ADGRB3: variants seen among roughly 807,000 people sequenced by gnomAD.
The protein encoded by ADGRB3 is adhesion G protein-coupled receptor B3.
In ADGRB3, 37 loss-of-function variants were observed where a neutral mutation model predicts 193.4. The observed-to-expected ratio is 0.19, with a 90% CI of 0.15 to 0.25. The LOEUF is 0.25. Among genes scored for constraint, ADGRB3 ranks in the 10% least tolerant of loss-of-function variants. The pLI is 1.00. For missense variants in ADGRB3, 1,637 were observed against 1,852.9 expected (o/e 0.88, Z 2.14); for synonymous variants, 690 against 644.2 (o/e 1.07, Z -1.08).
At chr6:68,740,041 C>T (rs182291461) in intron 3 of ADGRB3, among the ~76,000 whole-genome samples, 46 of 152,188 alleles carry the variant, frequency 3.0e-4, no homozygotes, top group African/African-American at 1.1e-3. Context: ...TCAGAAGTGG[C>T]AGGTCTATAC....
At chr6:69,320,329 T>C (rs925249716) in intron 20 of ADGRB3, among the ~76,000 whole-genome samples, 9 of 151,562 alleles carry the variant, frequency 5.9e-5, no homozygotes, top group Non-Finnish European at 8.9e-5. Context: ...CTTATTATTT[T>C]CTTTTTTAAA....
chr6:68,773,120 A>G (rs1395068418), intron 3 of ADGRB3, among the ~76,000 whole-genome samples: 1 of 151,662 alleles, frequency 6.6e-6, no homozygotes, highest in East Asian at 1.9e-4. Context: ...GTCTTAAACA[A>G]ACAAACAAAC....
chr6:68,876,008 G>A (rs1488185856), intron 3 of ADGRB3, among the ~76,000 whole-genome samples: 1 of 151,594 alleles, frequency 6.6e-6, no homozygotes, highest in Non-Finnish European at 1.5e-5. Context: ...GGAGTTACTT[G>A]GAATATAAAT....
intron 3 of ADGRB3, among the ~76,000 whole-genome samples, chr6:68,869,869 C>A (rs759066608): frequency 6.6e-6 from 1 of 152,174 alleles, no homozygotes; most frequent in Non-Finnish European, 1.5e-5. Flanking sequence ...ATCTCCACCT[C>A]CCAGGTTCAA....
intron 20 of ADGRB3, among the ~76,000 whole-genome samples, chr6:69,275,440 G>A (rs1203524927): frequency 1.3e-5 from 2 of 152,122 alleles, no homozygotes; most frequent in Admixed American, 1.3e-4. Context: ...TTGGCCTAGA[G>A]ATTTTAACTA....
At chr6:68,644,534 T>G (rs539844456) in intron 3 of ADGRB3, among the ~76,000 whole-genome samples, 1 of 152,276 alleles carries the variant, frequency 6.6e-6, no homozygotes, top group East Asian at 1.9e-4. Context: ...TCCTCCACAC[T>G]TTGAAGATAA....
intron 3 of ADGRB3, among the ~76,000 whole-genome samples, chr6:68,825,539 A>T (rs1767826796): frequency 6.6e-6 from 1 of 152,210 alleles, no homozygotes; most frequent in Non-Finnish European, 1.5e-5. Flanking sequence ...TTAGATGAAC[A>T]CTGATATGGT....
At chr6:68,950,165 C>G (rs941719350) in intron 6 of ADGRB3, among the ~76,000 whole-genome samples, 1 of 152,076 alleles carries the variant, frequency 6.6e-6, no homozygotes, top group Admixed American at 6.6e-5. Flanking sequence ...AGCATCCTCC[C>G]ACCTCAGCCT....
At chr6:69,241,295 T>G (rs914210372) in intron 20 of ADGRB3, among the ~76,000 whole-genome samples, 1 of 151,954 alleles carries the variant, frequency 6.6e-6, no homozygotes, top group Admixed American at 6.6e-5. Flanking sequence ...GAAATTAATT[T>G]TAATATATAC....
chr6:69,200,633 G>C (rs1311832950), intron 17 of ADGRB3, among the ~76,000 whole-genome samples: 1 of 152,084 alleles, frequency 6.6e-6, no homozygotes, highest in Non-Finnish European at 1.5e-5. Context: ...AGCATCTGAT[G>C]GAAGCAGCTG....
intron 3 of ADGRB3, among the ~76,000 whole-genome samples, chr6:68,649,053 T>G (rs1325424846): frequency 6.6e-6 from 1 of 152,122 alleles, no homozygotes; most frequent in African/African-American, 2.4e-5. Flanking sequence ...CCCATTGAAG[T>G]GTCAATTATG....
intron 26 of ADGRB3, among the ~76,000 whole-genome samples, chr6:69,349,013 T>C (rs1378042174): frequency 6.6e-6 from 1 of 152,202 alleles, no homozygotes; most frequent in African/African-American, 2.4e-5. Flanking sequence ...AGTGACCTGA[T>C]TCCATTCCCA....
intron 20 of ADGRB3, among the ~76,000 whole-genome samples, chr6:69,298,879 T>C (rs79713581): frequency 0.01 from 1,580 of 152,098 alleles, 22 homozygotes; most frequent in African/African-American, 0.036. Context: ...CTGTTTTCCT[T>C]TCTTTTGAAT....
intron 17 of ADGRB3, among the ~76,000 whole-genome samples, chr6:69,187,798 G>A (rs533843549): frequency 6.6e-6 from 1 of 152,260 alleles, no homozygotes; most frequent in South Asian, 2.1e-4. Flanking sequence ...GAGATTGGAG[G>A]CACAGTGGAT....
chr6:69,348,151 G>T (rs1195210303), intron 26 of ADGRB3, among the ~76,000 whole-genome samples: 1 of 152,160 alleles, frequency 6.6e-6, no homozygotes, highest in East Asian at 1.9e-4. Context: ...GGGTTAACAA[G>T]AGTATGAAAT....
intron 3 of ADGRB3, among the ~76,000 whole-genome samples, chr6:68,806,729 A>G (rs1264806748): frequency 1.3e-5 from 2 of 151,958 alleles, no homozygotes; most frequent in Non-Finnish European, 2.9e-5. Flanking sequence ...TTAAAAGTAT[A>G]TATGACACTC....
At chr6:68,804,902 C>T (rs2127372744) in intron 3 of ADGRB3, among the ~76,000 whole-genome samples, 1 of 151,612 alleles carries the variant, frequency 6.6e-6, no homozygotes, top group Non-Finnish European at 1.5e-5. Flanking sequence ...TTTGGTTTCC[C>T]ACAGTATTTT....
At chr6:69,114,155 ACATTT>A (rs1451370119) in intron 17 of ADGRB3, among the ~76,000 whole-genome samples, 2 of 152,090 alleles carry the variant, frequency 1.3e-5, no homozygotes, top group African/African-American at 4.8e-5. Flanking sequence ...TAAGTCCTTC[ACATTT>A]AAGCCTTTCA....
chr6:69,100,898 GAAGA>G (rs1562159496), intron 17 of ADGRB3, among the ~76,000 whole-genome samples: 28 of 114,434 alleles, frequency 2.4e-4, no homozygotes, highest in South Asian at 3.1e-4. Context: ...AGGAAGGAAG[GAAGA>G]AGCGAGGGAG....
Sources: gnomAD v4.1 joint callset for allele counts (sites outside exome capture counted in the v4.1 genomes callset) on GRCh38, gnomAD v4.1.1 for gene constraint, MANE v1.5 for transcripts, NCBI Gene and HGNC (gene_info 2026-07-23, HGNC 2026-07-21) for gene names.